Variants in DNASE1 observed in about 807,000 individuals in gnomAD.
The protein encoded by DNASE1 is deoxyribonuclease 1, also known as deoxyribonuclease-1.
In DNASE1, 40 loss-of-function variants were observed where a neutral mutation model predicts 33.9. That is an observed-to-expected ratio of 1.18 (90% CI 0.92 to 1.54). The LOEUF is 1.54. Among genes scored for constraint, DNASE1 ranks in the 40% most tolerant of loss-of-function variants. The pLI, the probability that DNASE1 is intolerant of heterozygous loss-of-function variation, is 0.00. For synonymous variants in DNASE1, 216 were observed against 160.0 expected, an observed-to-expected ratio of 1.35 and a Z score of -2.64; for missense variants, 518 against 372.6, an observed-to-expected ratio of 1.39 and a Z score of -3.21.
In DNASE1 at chr16:3,617,326, C is replaced by CAAAAAAAAAAAAA. The variant is rs56670885; in HGVS notation, c.-1359+5335_-1359+5347dup. ...AGTCAACAAGAGCGAAACTCCATCT[C>CAAAAAAAAAAAAA]AAAAAAAAAAAAAAAAAAAAAAAAA... On this transcript the variant is annotated intron_variant and NMD_transcript_variant, in intron 1 of 11. Coordinates refer to the DNASE1 transcript ENST00000570769. Among the ~76,000 whole-genome samples the CAAAAAAAAAAAAA allele has an allele frequency of 7.6e-4, 44 of 57,708 alleles. 1 individual carries two copies. Among genetic ancestry groups the CAAAAAAAAAAAAA allele is most frequent in the African/African-American group, 2.1e-3 (27 of 12,914 alleles). 37.9% of individuals were successfully genotyped at this position (57,708 alleles called of 152,430 possible).
At chr16:3,663,503 G>C (rs202156214) in exon 10 of DNASE1, 2 of 1,614,146 alleles carry the variant, frequency 1.2e-6, no homozygotes, top group Non-Finnish European at 1.7e-6. Flanking sequence ...GCTTCTTCTT[G>C]TCAAACTCAC....
chr16:3,663,370 AGGC>A, exon 10 of DNASE1: 1 of 1,606,428 alleles, frequency 6.2e-7, no homozygotes, highest in African/African-American at 1.3e-5. Context: ...GGGGCAGGAG[AGGC>A]GTGCGGGGAG....
intron 1 of DNASE1, among the ~76,000 whole-genome samples, chr16:3,645,387 A>G (rs1052595601): frequency 2.0e-5 from 3 of 152,248 alleles, no homozygotes; most frequent in Non-Finnish European, 4.4e-5. Context: ...ACTGGAGTCC[A>G]GTTGCAGTTC....
chr16:3,661,558 G>A (rs1193309773), downstream of DNASE1: 1 of 158,864 alleles, frequency 6.3e-6, no homozygotes, highest in African/African-American at 2.4e-5. Context: ...TGCCGAGGTG[G>A]GTTTCTGCAG....
intron 1 of DNASE1, among the ~76,000 whole-genome samples, chr16:3,622,149 G>A (rs2041339554): frequency 2.6e-5 from 4 of 151,074 alleles, no homozygotes; most frequent in Admixed American, 2.6e-4. Flanking sequence ...GAACCCGGAA[G>A]GTGGAGGTTG....
intron 1 of DNASE1, among the ~76,000 whole-genome samples, chr16:3,643,921 C>T (rs1249899340): frequency 3.9e-5 from 6 of 152,144 alleles, no homozygotes; most frequent in South Asian, 4.1e-4. Flanking sequence ...CCATCATGCC[C>T]GGCTAATTTT....
intron 1 of DNASE1, among the ~76,000 whole-genome samples, chr16:3,635,430 C>T (rs769428100): frequency 8.2e-4 from 121 of 147,152 alleles, no homozygotes; most frequent in Middle Eastern, 3.6e-3. Context: ...TGCACCCCAG[C>T]CTGGGTGACA....
chr16:3,615,807 C>G (rs1239618818), intron 1 of DNASE1, among the ~76,000 whole-genome samples: 1 of 152,168 alleles, frequency 6.6e-6, no homozygotes, highest in Non-Finnish European at 1.5e-5. Context: ...TGGAATATTT[C>G]CTTTTTGAAA....
upstream of DNASE1, among the ~76,000 whole-genome samples, chr16:3,639,593 G>A (rs1056346136): frequency 1.3e-5 from 2 of 152,156 alleles, no homozygotes; most frequent in Admixed American, 6.5e-5. Context: ...TTTACTCTAG[G>A]ATGTTCTGTG....
downstream of DNASE1, chr16:3,658,942 A>G (rs2042895810): frequency 6.8e-7 from 1 of 1,481,300 alleles, no homozygotes; most frequent in East Asian, 2.3e-5. Context: ...TGGGATTATC[A>G]GGATATTTAA....
chr16:3,655,473 G>A lies in DNASE1; in HGVS notation c.100G>A (p.Gly34Arg). The A allele has an allele frequency of 5.6e-6, 9 of 1,614,150 alleles. No individual in the cohort carries two copies. Among genetic ancestry groups the A allele is most frequent in the Non-Finnish European group, 7.6e-6 (9 of 1,180,034 alleles). Residue 34 changes from glycine (G) to arginine (R), a missense_variant, in exon 2 of 9, where the codon GGG becomes AGG. By Grantham distance (125) the Gly-to-Arg change is moderately radical. Coordinates refer to ENST00000246949, the MANE Select transcript of DNASE1 (RefSeq NM_005223.4). ...KIAAFNIQTFGETKMSNATLV... is the reference protein window; with the variant it reads ...KIAAFNIQTFRETKMSNATLV... The stretch of plus-strand genomic sequence containing the variant: ...CGCAGCCTTCAACATCCAGACATTT[G>A]GGGAGACCAAGATGTCCAATGCCAC...
chr16:3,629,226 A>G (rs1447520639), intron 1 of DNASE1, among the ~76,000 whole-genome samples: 1 of 151,074 alleles, frequency 6.6e-6, no homozygotes, highest in Non-Finnish European at 1.5e-5. Flanking sequence ...TTAACAATGT[A>G]GGTTTTTCAA....
chr16:3,646,735 G>A (rs78577295), intron 1 of DNASE1, among the ~76,000 whole-genome samples: 1 of 152,120 alleles, frequency 6.6e-6, no homozygotes, highest in East Asian at 1.9e-4. Flanking sequence ...CTGTGGGGAC[G>A]GCTGGGACAT....
intron 2 of DNASE1, among the ~76,000 whole-genome samples, 157 bp from the exon 3 acceptor site, chr16:3,655,692 G>A (rs751384681): frequency 6.6e-6 from 1 of 152,200 alleles, no homozygotes; most frequent in Admixed American, 6.5e-5. Flanking sequence ...CATCCCTGCT[G>A]TGCTGTCCCT....
At chr16:3,656,542 C>G in intron 4 of DNASE1, 96 bp from the exon 5 acceptor site, 2 of 991,372 alleles carry the variant, frequency 2.0e-6, no homozygotes, top group Non-Finnish European at 3.1e-6. Flanking sequence ...CTCCCCCGCC[C>G]TCCTGTCGCC....
intron 1 of DNASE1, among the ~76,000 whole-genome samples, chr16:3,623,611 G>T (rs773961133): frequency 4.9e-4 from 75 of 152,170 alleles, no homozygotes; most frequent in Non-Finnish European, 9.6e-4. Context: ...TATCTCCAAG[G>T]ATCTCAACAA....
Position 3,656,106 on chromosome 16 carries a change from G to T in DNASE1, c.241G>T (p.Ala81Ser), listed in dbSNP as rs140530129. 2.5e-6 allele frequency: 4 copies of T among 1,613,960 alleles called. No individual in the cohort carries two copies. Among genetic ancestry groups the T allele is most frequent in the Non-Finnish European group, 3.4e-6 (4 of 1,180,022 alleles). The change falls in exon 4 of 9, where the codon GCA becomes TCA. Residue 81 changes from alanine (A) to serine (S), a missense_variant. Ala to Ser is a moderately conservative substitution (Grantham distance 99). Coordinates refer to ENST00000246949, the MANE Select transcript of DNASE1 (RefSeq NM_005223.4). The part of the protein sequence containing the change: ...GKLLDNLNQD[A>S]PDTYHYVVSE... ...CCTTTTGTTTCTTCAATCCAGGGATGCACCAGACACCTATCACTACGTGGT... is the reference window on the plus strand; with the variant it reads ...CCTTTTGTTTCTTCAATCCAGGGATTCACCAGACACCTATCACTACGTGGT...
intron 1 of DNASE1, among the ~76,000 whole-genome samples, chr16:3,622,193 C>T (rs367657503): frequency 1.5e-4 from 21 of 141,010 alleles, no homozygotes; most frequent in African/African-American, 5.0e-4. Flanking sequence ...GTACTCCAGC[C>T]TAGGTGACAG....
Position 3,664,731 on chromosome 16 carries a change from G to A in DNASE1, c.*6778G>A, listed in dbSNP as rs907586623. ...GAGCTACGCGCACCACGCCCTGGGA[G>A]GGGACCCCACCCAACAGCAGAGCCC... On this transcript the variant is annotated 3_prime_UTR_variant, in exon 10 of 10. Coordinates refer to the DNASE1 transcript ENST00000407479. 68 of 417,382 alleles carry A rather than the reference G, an allele frequency of 1.6e-4. 1 individual carries two copies. Among genetic ancestry groups the A allele is most frequent in the Non-Finnish European group, 2.5e-4 (59 of 233,186 alleles). 25.9% of individuals were successfully genotyped at this position (417,382 alleles called of 1,614,324 possible). A position where few individuals can be genotyped will look rare whatever the true frequency, so the allele number is the denominator to read the frequency against.
Sources: gnomAD v4.1 joint callset for allele counts (sites outside exome capture counted in the v4.1 genomes callset) on GRCh38, gnomAD v4.1.1 for gene constraint, MANE v1.5 for transcripts, NCBI Gene and HGNC (gene_info 2026-07-23, HGNC 2026-07-21) for gene names.